Variants in ANKS1B observed in about 807,000 individuals in gnomAD.
ANKS1B encodes ankyrin repeat and sterile alpha motif domain-containing protein 1B.
In ANKS1B, 36 loss-of-function variants were observed where a neutral mutation model predicts 148.3. The observed-to-expected ratio is 0.24, with a 90% CI of 0.19 to 0.32. The LOEUF is 0.32. Among genes scored for constraint, ANKS1B ranks in the 10% least tolerant of loss-of-function variants. ANKS1B has a pLI of 1.00. For missense variants in ANKS1B, 1,157 were observed against 1,542.6 expected, an observed-to-expected ratio of 0.75 and a Z score of 4.19; for synonymous variants, 542 against 560.8, an observed-to-expected ratio of 0.97 and a Z score of 0.47.
chr12:99,681,425 C>T (rs747904285), intron 8 of ANKS1B, among the ~76,000 whole-genome samples: 3 of 152,202 alleles, frequency 2.0e-5, no homozygotes, highest in Non-Finnish European at 2.9e-5. Context: ...AGGACACTCA[C>T]GGAGTCCACT....
intron 10 of ANKS1B, among the ~76,000 whole-genome samples, chr12:99,470,744 T>G (rs2096228274): frequency 6.6e-6 from 1 of 152,122 alleles, no homozygotes; most frequent in Non-Finnish European, 1.5e-5. Context: ...CTAATACATT[T>G]TACTCAAAAT....
chr12:99,007,746 T>C (rs2099936976), intron 17 of ANKS1B, among the ~76,000 whole-genome samples: 1 of 152,104 alleles, frequency 6.6e-6, no homozygotes, highest in Admixed American at 6.5e-5. Context: ...AAAGACCCAA[T>C]TCCTCCTGTT....
At chr12:99,399,604 A>T in intron 12 of ANKS1B, 27 bp downstream of exon 12, 1 of 1,601,486 alleles carries the variant, frequency 6.2e-7, no homozygotes, top group Non-Finnish European at 8.5e-7. Context: ...AAATAAAAAT[A>T]CAGCTGCATA....
chr12:98,856,512 A>G (rs2099572498), intron 17 of ANKS1B, among the ~76,000 whole-genome samples: 1 of 152,238 alleles, frequency 6.6e-6, no homozygotes, highest in African/African-American at 2.4e-5. Flanking sequence ...GATTATATGC[A>G]TGAAGACTGA....
chr12:99,248,111 A>G (rs1287564576), intron 12 of ANKS1B, among the ~76,000 whole-genome samples: 2 of 152,156 alleles, frequency 1.3e-5, no homozygotes. Flanking sequence ...AATAATAATT[A>G]TGATTTTGTG....
intron 1 of ANKS1B, among the ~76,000 whole-genome samples, chr12:99,877,560 T>C (rs552715529): frequency 4.4e-4 from 67 of 152,304 alleles, no homozygotes; most frequent in Non-Finnish European, 7.2e-4. Context: ...GCATGAGAGG[T>C]AAATTTATTT....
intron 17 of ANKS1B, among the ~76,000 whole-genome samples, chr12:98,907,250 C>T (rs1357571194): frequency 6.6e-6 from 1 of 152,208 alleles, no homozygotes; most frequent in Admixed American, 6.5e-5. Context: ...TGAAGATGGG[C>T]TCCATGCTTG....
At chr12:98,824,131 C>T (rs1453650733) in intron 19 of ANKS1B, among the ~76,000 whole-genome samples, 1 of 152,166 alleles carries the variant, frequency 6.6e-6, no homozygotes. Context: ...CGTGTTATTA[C>T]CATATGATAT....
chr12:99,584,454 G>A (rs1465011828), intron 9 of ANKS1B, among the ~76,000 whole-genome samples: 1 of 151,996 alleles, frequency 6.6e-6, no homozygotes, highest in Non-Finnish European at 1.5e-5. Context: ...ACAAAAATTA[G>A]TGGGTGTGAT....
At chr12:99,149,256 G>A (rs1339733430) in intron 15 of ANKS1B, among the ~76,000 whole-genome samples, 3 of 152,070 alleles carry the variant, frequency 2.0e-5, no homozygotes, top group Non-Finnish European at 2.9e-5. Flanking sequence ...GTCCATTAAC[G>A]TGTAAAATGC....
At chr12:99,530,992 C>T (rs1340560767) in intron 9 of ANKS1B, among the ~76,000 whole-genome samples, 1 of 152,176 alleles carries the variant, frequency 6.6e-6, no homozygotes, top group Non-Finnish European at 1.5e-5. Context: ...CATATTCCTG[C>T]CTCTGTCTTC....
In ANKS1B at chr12:98,980,457, C is replaced by T. The variant is rs1406344747; in HGVS notation, c.2778+72700G>A. 1.2e-4 allele frequency among the ~76,000 whole-genome samples: 19 copies of T among 152,230 alleles called. No homozygotes were observed. In the East Asian group the frequency reaches 2.9e-3, roughly 23 times the overall value. On this transcript the variant is annotated intron_variant, in intron 17 of 26. Coordinates refer to ENST00000683438, the MANE Select transcript of ANKS1B (RefSeq NM_001352186.2). Reference sequence around the variant, plus strand: ...TCCTGACCTCGTGATCTGCCCGCCTCGGCCTCCCGAAGTGCTGGGATTACA... The same window carrying T: ...TCCTGACCTCGTGATCTGCCCGCCTTGGCCTCCCGAAGTGCTGGGATTACA...
At chr12:99,494,625 C>T (rs1595859302) in intron 10 of ANKS1B, among the ~76,000 whole-genome samples, 2 of 145,630 alleles carry the variant, frequency 1.4e-5, no homozygotes, top group South Asian at 2.2e-4. Context: ...CCCAGCTACT[C>T]GGGAGGCTGA....
At chr12:98,818,570 T>C (rs879680111) in intron 19 of ANKS1B, among the ~76,000 whole-genome samples, 11 of 152,216 alleles carry the variant, frequency 7.2e-5, no homozygotes, top group Non-Finnish European at 1.3e-4. Flanking sequence ...TTACTTGTTC[T>C]ACCTCAAAGT....
intron 12 of ANKS1B, among the ~76,000 whole-genome samples, chr12:99,291,283 G>T (rs2079932517): frequency 6.6e-6 from 1 of 152,112 alleles, no homozygotes; most frequent in African/African-American, 2.4e-5. Flanking sequence ...GGGATTGGAA[G>T]AATCAATATT....
rs541420292 is a variant in ANKS1B at position 99,825,581 on chromosome 12, T to G, written c.135-192A>C. ...CATTTATTTGATAAAAGGAAACTAA[T>G]AGAGAATGCAACTATTAATATCTTC... is the stretch of plus-strand genomic sequence containing the variant. On this transcript the variant is annotated intron_variant, in intron 1 of 26. Coordinates refer to ENST00000683438, the MANE Select transcript of ANKS1B (RefSeq NM_001352186.2). 2.0e-5 allele frequency among the ~76,000 whole-genome samples: 3 copies of G among 152,360 alleles called. No homozygotes were observed. The East Asian group carries it at 5.8e-4, about 29-fold the overall frequency.
chr12:99,909,289 C>T (rs2093915307), intron 1 of ANKS1B, among the ~76,000 whole-genome samples: 1 of 145,412 alleles, frequency 6.9e-6, no homozygotes, highest in Non-Finnish European at 1.5e-5. Flanking sequence ...TCTATCCATT[C>T]ATCCATCAAC....
intron 17 of ANKS1B, 130 bp downstream of exon 17, chr12:99,053,027 A>G (rs2099967286): frequency 1.5e-5 from 12 of 799,554 alleles, no homozygotes; most frequent in Non-Finnish European, 2.2e-5. Context: ...AGCTTGAGAG[A>G]GATCGATATT....
In ANKS1B at chr12:99,383,223, G is replaced by A. The variant is rs78025158; in HGVS notation, c.1756+16408C>T. Among the ~76,000 whole-genome samples the A allele has an allele frequency of 3.8e-3, 585 of 152,210 alleles. 36 individuals carry two copies. In the East Asian group the frequency reaches 0.087, roughly 23 times the overall value. ...TGGTTTCCCGCCAAGACCAACACAA[G>A]CTTATATGAGCCTCTGTGAGAATTT... On this transcript the variant is annotated intron_variant, in intron 12 of 26. Transcript: ENST00000683438.
Sources: gnomAD v4.1 joint callset for allele counts (sites outside exome capture counted in the v4.1 genomes callset) on GRCh38, gnomAD v4.1.1 for gene constraint, MANE v1.5 for transcripts, NCBI Gene and HGNC (gene_info 2026-07-23, HGNC 2026-07-21) for gene names.